Variants in SLC2A9 observed in about 807,000 individuals in gnomAD.
The protein encoded by SLC2A9 is solute carrier family 2 member 9.
Under a neutral mutation model 50.6 loss-of-function variants are expected in SLC2A9, and 39 were observed. The ratio of observed to expected loss-of-function variants is 0.77; its 90% CI spans 0.60 to 1.01. SLC2A9 has a LOEUF of 1.01. Among genes scored for constraint, SLC2A9 ranks in the 50% least tolerant of loss-of-function variants. The pLI is 0.00. For synonymous variants in SLC2A9, 324 were observed against 276.9 expected (o/e 1.17, Z -1.69); for missense variants, 686 against 677.6 (o/e 1.01, Z -0.14).
At chr4:9,906,245 G>C (rs1056361547) in intron 8 of SLC2A9, among the ~76,000 whole-genome samples, 4 of 152,186 alleles carry the variant, frequency 2.6e-5, no homozygotes, top group African/African-American at 9.7e-5. Context: ...AAAAGACACA[G>C]AGCTGGGACT....
At chr4:9,911,098 T>C (rs529153727) in intron 7 of SLC2A9, among the ~76,000 whole-genome samples, 1 of 152,160 alleles carries the variant, frequency 6.6e-6, no homozygotes, top group East Asian at 1.9e-4. Flanking sequence ...TGTATACCTA[T>C]GTAACAAACC....
chr4:9,898,240 T>C (rs2109867481), intron 8 of SLC2A9, among the ~76,000 whole-genome samples: 1 of 152,282 alleles, frequency 6.6e-6, no homozygotes, highest in East Asian at 1.9e-4. Context: ...GCCTGCTAAA[T>C]GATTGAATGT....
intron 1 of SLC2A9, among the ~76,000 whole-genome samples, chr4:10,028,466 C>T (rs1763824826): frequency 6.6e-6 from 1 of 152,194 alleles, no homozygotes; most frequent in African/African-American, 2.4e-5. Flanking sequence ...TGCCCCCAGC[C>T]AGCTGTGTGA....
chr4:9,856,309 T>G (rs1244629772), intron 10 of SLC2A9, among the ~76,000 whole-genome samples: 1 of 152,106 alleles, frequency 6.6e-6, no homozygotes, highest in Non-Finnish European at 1.5e-5. Flanking sequence ...GCAAAGGACA[T>G]GAACAGACAC....
intron 3 of SLC2A9, among the ~76,000 whole-genome samples, chr4:9,814,803 G>T (rs1011055811): frequency 2.0e-5 from 3 of 152,148 alleles, no homozygotes; most frequent in Non-Finnish European, 4.4e-5. Flanking sequence ...TGATGTCTCA[G>T]TGGTAAAAGA....
chr4:9,808,143 G>T (rs1722373400), intron 3 of SLC2A9, among the ~76,000 whole-genome samples: 1 of 152,196 alleles, frequency 6.6e-6, no homozygotes, highest in Non-Finnish European at 1.5e-5. Context: ...CTTGGCTGGA[G>T]CAGGGACCTG....
intron 3 of SLC2A9, chr4:9,781,737 C>A: frequency 2.9e-6 from 1 of 349,546 alleles, no homozygotes; most frequent in African/African-American, 2.1e-5. Flanking sequence ...TGCCGTCCGG[C>A]GCGCTACAGA....
At chr4:9,931,761 T>C (rs937620572) in intron 6 of SLC2A9, among the ~76,000 whole-genome samples, 3 of 151,520 alleles carry the variant, frequency 2.0e-5, no homozygotes, top group Non-Finnish European at 4.4e-5. Context: ...TGGGATGGCG[T>C]GCAAAGATCC....
chr4:9,874,174 C>T (rs116628257), intron 10 of SLC2A9, among the ~76,000 whole-genome samples: 451 of 152,340 alleles, frequency 3.0e-3, no homozygotes, highest in Admixed American at 5.0e-3. Flanking sequence ...CTGTCCTCTA[C>T]TCAGACATTC....
At position 9,935,725 on chromosome 4, in the gene SLC2A9, G is replaced by A. The variant is rs137912718; in HGVS notation, c.814+6188C>T. Among the ~76,000 whole-genome samples, 488 of 152,316 alleles carry A rather than the reference G, an allele frequency of 3.2e-3. 2 individuals carry two copies. Among genetic ancestry groups the A allele is most frequent in the Non-Finnish European group, 5.5e-3 (374 of 68,028 alleles). On this transcript the variant is annotated intron_variant, in intron 6 of 11. Transcript: ENST00000264784. ...GAGATGCTGCATGTTGTTTTAGGAC[G>A]TGTGCCCCTGAACATATGCTCCCAG...
intron 3 of SLC2A9, among the ~76,000 whole-genome samples, chr4:9,786,728 A>G (rs1719264962): frequency 6.6e-6 from 1 of 152,136 alleles, no homozygotes; most frequent in East Asian, 1.9e-4. Flanking sequence ...AGGTCATGGG[A>G]AAATTAGTAG....
upstream of SLC2A9, chr4:10,025,669 G>T: frequency 1.9e-6 from 1 of 523,522 alleles, no homozygotes; most frequent in Non-Finnish European, 3.4e-6. Flanking sequence ...TTTGCCCCAA[G>T]CCCAGAAAGT....
At chr4:10,014,012 C>T (rs2109466435) in intron 2 of SLC2A9, among the ~76,000 whole-genome samples, 1 of 152,302 alleles carries the variant, frequency 6.6e-6, no homozygotes, top group East Asian at 1.9e-4. Flanking sequence ...ATATCTGCAC[C>T]TCTTCTGTTC....
At chr4:9,922,420 G>A (rs1033084854) in intron 6 of SLC2A9, among the ~76,000 whole-genome samples, 3 of 152,010 alleles carry the variant, frequency 2.0e-5, no homozygotes, top group Admixed American at 6.6e-5. Context: ...CCACTATGGC[G>A]CATGTTGACC....
At chr4:9,982,108 G>A (rs1578181339) in intron 4 of SLC2A9, among the ~76,000 whole-genome samples, 3 of 152,286 alleles carry the variant, frequency 2.0e-5, no homozygotes, top group East Asian at 3.9e-4. Flanking sequence ...TCGAACTCCC[G>A]ACCTCAGATG....
chr4:10,030,378 T>C (rs1217783631), intron 1 of SLC2A9, among the ~76,000 whole-genome samples: 2 of 152,216 alleles, frequency 1.3e-5, no homozygotes, highest in African/African-American at 2.4e-5. Context: ...CTCTGTATGA[T>C]ACTATAATGG....
At chr4:9,923,503 A>C (rs1744312768) in intron 6 of SLC2A9, among the ~76,000 whole-genome samples, 1 of 152,126 alleles carries the variant, frequency 6.6e-6, no homozygotes, top group South Asian at 2.1e-4. Flanking sequence ...GAGGAGAGGG[A>C]TAACCAGAGC....
intron 10 of SLC2A9, among the ~76,000 whole-genome samples, chr4:9,856,046 AG>A (rs1290869711): frequency 6.6e-6 from 1 of 152,230 alleles, no homozygotes; most frequent in African/African-American, 2.4e-5. Context: ...TTCTGGACAT[AG>A]GCCCTGGCAC....
At chr4:9,927,264 G>A (rs574347477) in intron 6 of SLC2A9, among the ~76,000 whole-genome samples, 6 of 152,310 alleles carry the variant, frequency 3.9e-5, no homozygotes, top group East Asian at 1.9e-4. Context: ...TGATCCACCC[G>A]CGTTGGCCTC....
Sources: gnomAD v4.1 joint callset for allele counts (sites outside exome capture counted in the v4.1 genomes callset) on GRCh38, gnomAD v4.1.1 for gene constraint, MANE v1.5 for transcripts, NCBI Gene and HGNC (gene_info 2026-07-23, HGNC 2026-07-21) for gene names.